Variants in PTK2 observed in about 807,000 individuals in gnomAD.
PTK2 encodes protein tyrosine kinase 2, also known as focal adhesion kinase 1.
A neutral mutation model predicts 150.1 loss-of-function variants in PTK2; 45 were observed. The observed-to-expected ratio is 0.30, with a 90% CI of 0.24 to 0.38. The LOEUF is 0.38. Ranked by LOEUF, PTK2 falls within the 10% of genes least tolerant of loss-of-function variation. PTK2 has a pLI of 1.00. For synonymous variants in PTK2, 432 were observed against 449.2 expected, an observed-to-expected ratio of 0.96 and a Z score of 0.48; for missense variants, 919 against 1,307.3, an observed-to-expected ratio of 0.70 and a Z score of 4.58.
chr8:140,696,659 C>T (rs1049087896), intron 26 of PTK2, among the ~76,000 whole-genome samples: 11 of 151,960 alleles, frequency 7.2e-5, no homozygotes, highest in Non-Finnish European at 1.6e-4. Flanking sequence ...AGGCAGATTC[C>T]CTGAGCATTC....
At chr8:140,719,887 CAAAAAAAAAAAAA>C (rs71308987) in intron 22 of PTK2, among the ~76,000 whole-genome samples, 65 of 90,864 alleles carry the variant, frequency 7.2e-4, no homozygotes, top group African/African-American at 2.6e-3. Flanking sequence ...CTTGTCTCAC[CAAAAAAAAAAAAA>C]AAAAAAAAAA....
At chr8:140,851,274 T>C (rs1045366058) in intron 5 of PTK2, among the ~76,000 whole-genome samples, 1 of 152,240 alleles carries the variant, frequency 6.6e-6, no homozygotes, top group Non-Finnish European at 1.5e-5. Context: ...TTACGCTACC[T>C]TAATGAGTTA....
chr8:140,927,975 A>AATATATATATAT lies in PTK2; in HGVS notation c.-121-2238_-121-2227dup, dbSNP rs1179717665. Among the ~76,000 whole-genome samples the AATATATATATAT allele has an allele frequency of 4.6e-3, 221 of 48,094 alleles. 3 individuals are homozygous for AATATATATATAT. Among genetic ancestry groups the AATATATATATAT allele is most frequent in the East Asian group, 0.029 (35 of 1,218 alleles). 31.6% of individuals were successfully genotyped at this position (48,094 alleles called of 152,430 possible). On this transcript the variant is annotated intron_variant, in intron 1 of 31. Transcript: ENST00000522684. ...AAAAAAAAGAAAAAAAAAAAAAAAA[A>AATATATATATAT]ATATATATATATATATATGTATATA...
intron 16 of PTK2, among the ~76,000 whole-genome samples, chr8:140,753,216 G>A (rs2100063796): frequency 1.3e-5 from 2 of 152,194 alleles, no homozygotes; most frequent in African/African-American, 4.8e-5. Context: ...TGGTAGCAGT[G>A]GAGGTGGAGA....
chr8:140,721,542 G>C (rs765774754), intron 22 of PTK2: 3 of 152,060 alleles, frequency 2.0e-5, no homozygotes, highest in Non-Finnish European at 4.4e-5. Context: ...GGCTGCTAAA[G>C]GAGTTAAAAA....
chr8:140,872,530 C>G (rs907823919), intron 4 of PTK2, among the ~76,000 whole-genome samples: 1 of 152,222 alleles, frequency 6.6e-6, no homozygotes, highest in Admixed American at 6.5e-5. Flanking sequence ...AAGCTCCCAC[C>G]TGCCCCTGGA....
intron 1 of PTK2, among the ~76,000 whole-genome samples, chr8:140,976,987 T>G (rs2100189476): frequency 1.3e-5 from 2 of 152,274 alleles, no homozygotes; most frequent in Admixed American, 6.5e-5. Context: ...AAAAGCTCAT[T>G]TGTTTGTAAT....
At chr8:140,906,631 A>G (rs1419552809) in intron 2 of PTK2, among the ~76,000 whole-genome samples, 2 of 152,062 alleles carry the variant, frequency 1.3e-5, no homozygotes, top group African/African-American at 4.8e-5. Context: ...ATGGAAGTAT[A>G]GAGTAGAGTG....
At chr8:140,818,886 A>G in exon 9 of PTK2, 2 of 1,613,358 alleles carry the variant, frequency 1.2e-6, no homozygotes, top group Non-Finnish European at 1.7e-6. Flanking sequence ...TTACACCAAG[A>G]GCACACTTGA....
At chr8:140,863,320 C>T (rs988942074) in intron 5 of PTK2, among the ~76,000 whole-genome samples, 2 of 152,078 alleles carry the variant, frequency 1.3e-5, no homozygotes, top group Admixed American at 6.6e-5. Context: ...ATGCTTGCAA[C>T]CTTTTAAAAA....
Position 140,731,307 on chromosome 8 carries a change from C to G in PTK2, c.2030+3944G>C, listed in dbSNP as rs555427642. Among the ~76,000 whole-genome samples the G allele has an allele frequency of 3.3e-5, 5 of 152,190 alleles. No homozygotes were observed. The South Asian group carries it at 1.0e-3, about 32-fold the overall frequency. On this transcript the variant is annotated intron_variant, in intron 22 of 31. Coordinates refer to ENST00000522684, the Ensembl canonical transcript of PTK2. ...TATTTGGTGCGCTCTTATAACCTGA[C>G]AGTCATAAAGCACAAAAATGCTAGA... is the stretch of plus-strand genomic sequence containing the variant.
intron 22 of PTK2, among the ~76,000 whole-genome samples, chr8:140,720,658 TA>T (rs1209968182): frequency 6.6e-6 from 1 of 152,240 alleles, no homozygotes; most frequent in East Asian, 1.9e-4. Context: ...AAGAAGCTTT[TA>T]AAAAATAGAA....
At chr8:140,909,693 C>G (rs1463072325) in intron 2 of PTK2, 1 of 152,102 alleles carries the variant, frequency 6.6e-6, no homozygotes, top group Non-Finnish European at 1.5e-5. Context: ...TAGCATTCAA[C>G]AGACAATAAC....
chr8:140,658,253 T>C (rs2075126001), exon 32 of PTK2: 1 of 159,440 alleles, frequency 6.3e-6, no homozygotes, highest in Admixed American at 6.5e-5. Flanking sequence ...TTGACTTGTT[T>C]AGAAGATTAA....
chr8:140,671,661 C>T (rs373947955), intron 29 of PTK2, among the ~76,000 whole-genome samples: 3 of 151,348 alleles, frequency 2.0e-5, no homozygotes, highest in African/African-American at 7.3e-5. Flanking sequence ...TGCCTGTAAT[C>T]CCAGCACTTT....
chr8:140,861,997 A>G (rs2100136426), intron 5 of PTK2, among the ~76,000 whole-genome samples: 1 of 152,206 alleles, frequency 6.6e-6, no homozygotes, highest in Non-Finnish European at 1.5e-5. Flanking sequence ...ACCATAAAAT[A>G]TATCCTATTA....
At chr8:140,732,983 T>C (rs1342674775) in intron 22 of PTK2, among the ~76,000 whole-genome samples, 4 of 152,132 alleles carry the variant, frequency 2.6e-5, no homozygotes, top group African/African-American at 9.7e-5. Flanking sequence ...CATAATGAAA[T>C]GAGGCCTAAA....
chr8:140,789,456 C>T lies in PTK2; in HGVS notation c.1177+18G>A, dbSNP rs1261777485. ...CCATGAGAGTGCTTTTCGAGGTCTG[C>T]TACCTAGAGCCCCTTACCTGACACA... On this transcript the variant is annotated intron_variant, in intron 14 of 31. Transcript: ENST00000522684. 1 of 1,611,228 alleles carries T rather than the reference C, an allele frequency of 6.2e-7. No homozygotes were observed. The highest frequency in any genetic ancestry group is 8.5e-7 in the Non-Finnish European group (1 of 1,178,928).
intron 4 of PTK2, among the ~76,000 whole-genome samples, chr8:140,865,951 A>G (rs911963401): frequency 6.6e-6 from 1 of 152,048 alleles, no homozygotes; most frequent in Non-Finnish European, 1.5e-5. Context: ...TGGCTGGCTA[A>G]CTTTTGTATT....
Sources: gnomAD v4.1 joint callset for allele counts (sites outside exome capture counted in the v4.1 genomes callset) on GRCh38, gnomAD v4.1.1 for gene constraint, MANE v1.5 for transcripts, NCBI Gene and HGNC (gene_info 2026-07-23, HGNC 2026-07-21) for gene names.